Variants in SLC8A1 observed in about 807,000 individuals in gnomAD.
SLC8A1 encodes the protein solute carrier family 8 member A1.
In SLC8A1, 18 loss-of-function variants were observed where a neutral mutation model predicts 68.3. The ratio of observed to expected loss-of-function variants is 0.26; its 90% confidence interval spans 0.18 to 0.39. The LOEUF is 0.39. SLC8A1 is among the 10% of genes least tolerant of loss of function. The pLI is 1.00. For missense variants in SLC8A1, 985 were observed against 1,156.7 expected, an observed-to-expected ratio of 0.85 and a Z score of 2.15; for synonymous variants, 475 against 415.5, an observed-to-expected ratio of 1.14 and a Z score of -1.74.
At chr2:40,485,748 G>C (rs1361942074) in intron 1 of SLC8A1, among the ~76,000 whole-genome samples, 1 of 152,100 alleles carries the variant, frequency 6.6e-6, no homozygotes, top group African/African-American at 2.4e-5. Flanking sequence ...GACAACTTTA[G>C]TAACAAGAAA....
chr2:40,292,513 C>G (rs1168472677), intron 2 of SLC8A1, among the ~76,000 whole-genome samples: 1 of 152,160 alleles, frequency 6.6e-6, no homozygotes, highest in African/African-American at 2.4e-5. Flanking sequence ...TGGTCACCTG[C>G]CAGGATTTAC....
intron 1 of SLC8A1, among the ~76,000 whole-genome samples, chr2:40,451,019 A>C (rs1265897858): frequency 6.6e-6 from 1 of 152,168 alleles, no homozygotes. Context: ...GATTTAAAGA[A>C]TCAAGGATGC....
intron 2 of SLC8A1, among the ~76,000 whole-genome samples, chr2:40,408,441 C>T (rs1691061956): frequency 6.6e-6 from 1 of 152,186 alleles, no homozygotes; most frequent in Non-Finnish European, 1.5e-5. Flanking sequence ...GAGATTCTCT[C>T]CTGTTTCATT....
intron 2 of SLC8A1, among the ~76,000 whole-genome samples, chr2:40,371,778 T>C (rs1363930923): frequency 6.6e-6 from 1 of 152,114 alleles, no homozygotes. Context: ...TCATATCCTC[T>C]GGAAACCCGA....
exon 8 of SLC8A1, chr2:40,099,249 G>T (rs970940913): frequency 6.6e-6 from 1 of 151,972 alleles, no homozygotes; most frequent in Non-Finnish European, 1.5e-5. Context: ...ATAATACATT[G>T]TGTTTCCCAC....
intron 2 of SLC8A1, among the ~76,000 whole-genome samples, chr2:40,348,176 TTGAA>T (rs1669941109): frequency 6.6e-6 from 1 of 152,124 alleles, no homozygotes; most frequent in Admixed American, 6.6e-5. Context: ...AGAGAGAAGA[TTGAA>T]CTGTACATGA....
At chr2:40,191,048 G>A (rs751254060) in intron 2 of SLC8A1, among the ~76,000 whole-genome samples, 1 of 152,122 alleles carries the variant, frequency 6.6e-6, no homozygotes, top group Admixed American at 6.6e-5. Flanking sequence ...CAACAATGTG[G>A]TAAGCTTGTA....
intron 2 of SLC8A1, among the ~76,000 whole-genome samples, chr2:40,394,025 G>C (rs1302037920): frequency 1.3e-5 from 2 of 152,050 alleles, no homozygotes; most frequent in Non-Finnish European, 2.9e-5. Context: ...AGACAGTTTT[G>C]CTTGTGGCAG....
At chr2:40,338,224 T>G (rs1026631152) in intron 2 of SLC8A1, among the ~76,000 whole-genome samples, 1 of 152,142 alleles carries the variant, frequency 6.6e-6, no homozygotes, top group African/African-American at 2.4e-5. Flanking sequence ...CTTCAAGGAT[T>G]CATAGCAAGA....
chr2:40,241,846 C>G (rs2061264892), intron 2 of SLC8A1, among the ~76,000 whole-genome samples: 1 of 151,720 alleles, frequency 6.6e-6, no homozygotes, highest in African/African-American at 2.4e-5. Context: ...CTAGTAAGAT[C>G]AGATTTATCA....
intron 2 of SLC8A1, among the ~76,000 whole-genome samples, chr2:40,224,740 A>C (rs1019743945): frequency 6.6e-6 from 1 of 152,114 alleles, no homozygotes; most frequent in African/African-American, 2.4e-5. Context: ...CAACTCCTCA[A>C]ACAGGAATAT....
intron 6 of SLC8A1, among the ~76,000 whole-genome samples, chr2:40,142,608 G>A (rs984113388): frequency 1.3e-5 from 2 of 152,160 alleles, no homozygotes; most frequent in African/African-American, 4.8e-5. Context: ...ACGAACAAGA[G>A]AACAAATAAT....
intron 1 of SLC8A1, among the ~76,000 whole-genome samples, chr2:40,493,339 C>G (rs777464816): frequency 2.4e-5 from 1 of 42,498 alleles, no homozygotes; most frequent in Admixed American, 3.6e-4. Context: ...TCTCTGGGGA[C>G]TGTTGTGGGG....
intron 2 of SLC8A1, among the ~76,000 whole-genome samples, chr2:40,382,529 G>C (rs948794127): frequency 6.6e-6 from 1 of 152,084 alleles, no homozygotes; most frequent in African/African-American, 2.4e-5. Context: ...AGAATGCCTT[G>C]TAAGTACTAA....
chr2:40,167,744 T>C (rs1157190045), intron 4 of SLC8A1, among the ~76,000 whole-genome samples: 1 of 152,212 alleles, frequency 6.6e-6, no homozygotes, highest in Non-Finnish European at 1.5e-5. Context: ...AATAACTCCC[T>C]ATTGATGAGT....
chr2:40,439,030 C>T (rs1020960364), intron 1 of SLC8A1, among the ~76,000 whole-genome samples: 1 of 152,058 alleles, frequency 6.6e-6, no homozygotes, highest in African/African-American at 2.4e-5. Context: ...TGTGCTTTCC[C>T]TCTCACAGAC....
intron 2 of SLC8A1, among the ~76,000 whole-genome samples, chr2:40,411,510 T>G (rs2149701284): frequency 6.6e-6 from 1 of 152,106 alleles, no homozygotes; most frequent in South Asian, 2.1e-4. Flanking sequence ...AGAACTAATC[T>G]AAAATGTGAG....
chr2:40,307,144 T>TAC (rs753955915), intron 2 of SLC8A1, among the ~76,000 whole-genome samples: 113 of 101,196 alleles, frequency 1.1e-3, no homozygotes, highest in African/African-American at 4.3e-3. Context: ...GAAAATGTGA[T>TAC]ATACACACAC....
chr2:40,422,899 A>G (rs1695899026), intron 2 of SLC8A1, among the ~76,000 whole-genome samples: 1 of 152,134 alleles, frequency 6.6e-6, no homozygotes, highest in African/African-American at 2.4e-5. Flanking sequence ...AAAAAAATTA[A>G]TCTCTCTAAG....
Sources: allele counts gnomAD v4.1 joint callset (sites outside exome capture counted in the v4.1 genomes callset), GRCh38; gene constraint gnomAD v4.1.1; transcripts MANE v1.5; gene names NCBI Gene and HGNC (gene_info 2026-07-23, HGNC 2026-07-21).